The following DPEP2 variants were observed in gnomAD, a reference collection of about 807,000 sequenced individuals.
The protein encoded by DPEP2 is dipeptidase 2.
DPEP2 carries 45 observed loss-of-function variants against 51.8 expected under a neutral mutation model. The ratio of observed to expected loss-of-function variants is 0.87; its 90% CI spans 0.68 to 1.11. DPEP2 has a LOEUF of 1.11. DPEP2 is among the 50% of genes most tolerant of loss of function. DPEP2 has a pLI of 0.00. For missense variants in DPEP2, 604 were observed against 631.9 expected (o/e 0.96, Z 0.47); for synonymous variants, 255 against 262.7 (o/e 0.97, Z 0.28).
chr16:67,998,430 C>T (rs2032827302), intron 1 of DPEP2, among the ~76,000 whole-genome samples: 1 of 152,242 alleles, frequency 6.6e-6, no homozygotes, highest in Non-Finnish European at 1.5e-5. Context: ...GACTTCTCAC[C>T]GGGCCTTAGC....
chr16:67,991,994 G>A lies in DPEP2; in HGVS notation c.521-15C>T, dbSNP rs199551693. 3.7e-6 allele frequency: 6 copies of A among 1,614,026 alleles called. No homozygotes were observed. Among genetic ancestry groups the A allele is most frequent in the Non-Finnish European group, 5.1e-6 (6 of 1,180,000 alleles). ...GTCGTTCAGAGCTGGGGGCAGGTAG[G>A]TCAGGTGATTACTTTCCAGGGCTGG... On this transcript the variant is annotated splice_polypyrimidine_tract_variant and intron_variant, in intron 4 of 10. Coordinates refer to ENST00000393847, the MANE Select transcript of DPEP2 (RefSeq NM_022355.4). The surrounding 1 kb of genome is among the most constrained non-coding windows in gnomAD (Gnocchi z 5.1).
At chr16:67,993,362 C>G (rs1333993547) in intron 1 of DPEP2, 105 bp from the exon 2 acceptor site, 1 of 1,304,966 alleles carries the variant, frequency 7.7e-7, no homozygotes, top group Non-Finnish European at 9.7e-7. Context: ...AGTCACAGGG[C>G]CCCGCGAAGG....
chr16:67,996,877 G>C lies in DPEP2; in HGVS notation c.-46+2498C>G, dbSNP rs1422874306. Among the ~76,000 whole-genome samples the C allele has an allele frequency of 4.6e-5, 7 of 151,932 alleles. No individual in the cohort carries two copies. In the East Asian group the frequency reaches 1.4e-3, roughly 29 times the overall value. Reference sequence around the variant, plus strand: ...CAGTCCTCAAATGTGGCCTTGAGGGGACCATACAAAGCGAATCACAGACAC... The same window carrying C: ...CAGTCCTCAAATGTGGCCTTGAGGGCACCATACAAAGCGAATCACAGACAC... On this transcript the variant is annotated intron_variant, in intron 1 of 10. Transcript: ENST00000393847.
rs918452974 is a variant in DPEP2 at position 67,991,370 on chromosome 16, CTTTTTT to C, written c.663-192_663-187del. Among the ~76,000 whole-genome samples, 1 of 137,466 alleles carries C rather than the reference CTTTTTT, an allele frequency of 7.3e-6. No homozygotes were observed. Among genetic ancestry groups the C allele is most frequent in the African/African-American group, 2.7e-5 (1 of 37,358 alleles). 90.2% of individuals were successfully genotyped at this position (137,466 alleles called of 152,430 possible). Reference sequence around the variant, plus strand: ...TGGGTCCAGTCTTTTTTTTCCTTTTCTTTTTTTTTTTTTTTTGGCAATAGAGTCTCG... The same window carrying C: ...TGGGTCCAGTCTTTTTTTTCCTTTTCTTTTTTTTTTGGCAATAGAGTCTCG... On this transcript the variant is annotated intron_variant, in intron 5 of 10. Coordinates refer to ENST00000393847, the MANE Select transcript of DPEP2 (RefSeq NM_022355.4). This position sits in a 1 kb window ranked among gnomAD's most constrained non-coding sequence, Gnocchi z 5.1.
chr16:67,989,376 A>T lies in DPEP2; in HGVS notation c.1017T>A (p.Ala339=). The stretch of plus-strand genomic sequence containing the variant: ...TCCCGATGAACTTGGATCCAATGAC[A>T]GCCTTGATGTGGTCGAAGTGATCTG... ...TVADHFDHIK[A]VIGSKFIGIG... is the part of the protein sequence containing the mutation. The change falls in exon 9 of 11, where the codon GCT becomes GCA. Residue 339 remains alanine, a synonymous_variant. Transcript: ENST00000393847. 1 of 1,614,162 alleles carries T rather than the reference A, an allele frequency of 6.2e-7. No homozygotes were observed. The highest frequency in any genetic ancestry group is 8.5e-7 in the Non-Finnish European group (1 of 1,180,018).
chr16:67,992,883 AC>A (rs1460025946), intron 2 of DPEP2, 66 bp downstream of exon 2: 10 of 1,538,502 alleles, frequency 6.5e-6, no homozygotes, highest in Non-Finnish European at 7.9e-6. Context: ...AGCCCTGCAT[AC>A]TCTGGGACCC....
chr16:67,990,201 T>G, intron 7 of DPEP2, 70 bp from the exon 8 acceptor site: 1 of 1,470,306 alleles, frequency 6.8e-7, no homozygotes, highest in Non-Finnish European at 9.5e-7. Flanking sequence ...TGCCACCCTC[T>G]GGATCCCTGG....
rs771219093 is a variant in DPEP2, at chr16:67,989,346, A to G, written c.1047T>C (p.Gly349=). The stretch of plus-strand genomic sequence containing the variant: ...ACTTGCCGGCCCCATCATAATCTCC[A>G]CCAATCCCGATGAACTTGGATCCAA... ...AVIGSKFIGI[G]GDYDGAGKFP... The change falls in exon 9 of 11, where the codon GGT becomes GGC. Residue 349 remains glycine (G), a synonymous_variant. Coordinates refer to ENST00000393847, the MANE Select transcript of DPEP2 (RefSeq NM_022355.4). 1 of 1,614,028 alleles carries G rather than the reference A, an allele frequency of 6.2e-7. No homozygotes were observed. Among genetic ancestry groups the G allele is most frequent in the Non-Finnish European group, 8.5e-7 (1 of 1,179,978 alleles).
intron 1 of DPEP2, chr16:67,993,943 C>T (rs531067808): frequency 4.1e-6 from 4 of 985,620 alleles, no homozygotes; most frequent in Admixed American, 6.1e-5. Flanking sequence ...CTCCGCCCCC[C>T]GCCCCGACCG....
rs2031933158 is a variant in DPEP2 at position 67,990,067 on chromosome 16, G to A, written c.974C>T (p.Ala325Val). The A allele has an allele frequency of 5.6e-6, 9 of 1,614,172 alleles. No homozygotes were observed. The highest frequency in any genetic ancestry group is 6.8e-6 in the Non-Finnish European group (8 of 1,180,020). The change falls in exon 8 of 11, where the codon GCC becomes GTC. Residue 325 changes from alanine (A) to valine (V), a missense_variant. Physicochemically the swap from Ala to Val is moderately conservative, Grantham distance 64 (BLOSUM62 0). Coordinates refer to ENST00000393847, the MANE Select transcript of DPEP2 (RefSeq NM_022355.4). ...SMGVIQCNPS[A>V]NVSTVADHFD... ...GTTACCTGCCACAGTGGACACATTG[G>A]CTGATGGGTTGCACTGTATTACTCC...
intron 1 of DPEP2, among the ~76,000 whole-genome samples, chr16:67,998,520 G>C (rs557022284): frequency 1.3e-5 from 2 of 152,320 alleles, no homozygotes; most frequent in Admixed American, 6.5e-5. Flanking sequence ...GCTCCTGTGC[G>C]GCCGGAGCCT....
Position 67,990,031 on chromosome 16 carries a change from C to G in DPEP2, c.994+16G>C, listed in dbSNP as rs73596566. On this transcript the variant is annotated intron_variant, in intron 8 of 10. Transcript: ENST00000393847. ...GCAAATCAGAACTGTTCAGAGAGCCCGGGAGAGGGAGTTACCTGCCACAGT... is the reference window on the plus strand; with the variant it reads ...GCAAATCAGAACTGTTCAGAGAGCCGGGGAGAGGGAGTTACCTGCCACAGT... The G allele has an allele frequency of 1.2e-6, 2 of 1,613,656 alleles. No individual in the cohort carries two copies. The highest frequency in any genetic ancestry group is 1.7e-6 in the Non-Finnish European group (2 of 1,179,744).
intron 1 of DPEP2, chr16:67,994,874 T>G (rs1284839177): frequency 2.0e-6 from 2 of 985,430 alleles, no homozygotes; most frequent in Non-Finnish European, 2.4e-6. Flanking sequence ...GTGGGTTAAC[T>G]GTCACGTCTA....
At chr16:67,988,878 C>T (rs1314404137) in intron 9 of DPEP2, among the ~76,000 whole-genome samples, 1 of 151,930 alleles carries the variant, frequency 6.6e-6, no homozygotes, top group Non-Finnish European at 1.5e-5. Flanking sequence ...CGCCACTGCA[C>T]CCCAGTCTGG....
chr16:67,989,534 G>A, intron 8 of DPEP2, 136 bp from the exon 9 acceptor site: 2 of 843,002 alleles, frequency 2.4e-6, no homozygotes, highest in Non-Finnish European at 1.9e-6. Context: ...CTGCCACATA[G>A]CTTGGCAACC....
intron 1 of DPEP2, chr16:67,993,925 G>GTGAC (rs1441891110): frequency 1.0e-6 from 1 of 985,460 alleles, no homozygotes; most frequent in East Asian, 1.1e-4. Flanking sequence ...GACCTGTCAG[G>GTGAC]AGCACTCCTC....
At chr16:67,999,944 CT>C (rs1219800482), upstream of DPEP2, among the ~76,000 whole-genome samples, 7 of 152,162 alleles carry the variant, frequency 4.6e-5, no homozygotes, top group African/African-American at 1.7e-4. Context: ...ATCCTCCTGC[CT>C]GAAGTTCTTC....
intron 1 of DPEP2, chr16:67,994,488 C>T: frequency 1.0e-6 from 1 of 985,490 alleles, no homozygotes; most frequent in Non-Finnish European, 1.2e-6. Context: ...TCACAGAAGC[C>T]CCACGACCTG....
chr16:67,991,626 C>T lies in DPEP2; in HGVS notation c.662+212G>A, dbSNP rs1026387754. ...CTCCTGGCCTTAAGTTATCTGTCCG[C>T]CTCAGCCTCCCAAAGTTTTGGGATT... On this transcript the variant is annotated intron_variant, in intron 5 of 10. Coordinates refer to ENST00000393847, the MANE Select transcript of DPEP2 (RefSeq NM_022355.4). The surrounding 1 kb of genome is among the most constrained non-coding windows in gnomAD (Gnocchi z 5.1). 7 of 679,618 alleles carry T rather than the reference C, an allele frequency of 1.0e-5. No individual in the cohort carries two copies. In the East Asian group the frequency reaches 1.7e-4, roughly 16 times the overall value. The allele number at this position is 679,618 out of a possible 1,614,324, so 42.1% of individuals were successfully genotyped here. A position where few individuals can be genotyped will look rare whatever the true frequency, so the allele number is the denominator to read the frequency against.
Sources: allele counts gnomAD v4.1 joint callset (sites outside exome capture counted in the v4.1 genomes callset), GRCh38; gene constraint gnomAD v4.1.1; non-coding constraint Gnocchi (gnomAD v3.1); transcripts MANE v1.5; gene names NCBI Gene and HGNC (gene_info 2026-07-23, HGNC 2026-07-21).